NGF: variants seen among roughly 807,000 people sequenced by gnomAD.
NGF encodes nerve growth factor, also known as beta-nerve growth factor.
NGF carries 4 observed loss-of-function variants against 12.8 expected under a neutral mutation model. That is an observed-to-expected ratio of 0.31 (90% CI 0.15 to 0.72). The LOEUF (loss-of-function observed/expected upper bound fraction) is 0.72. Among genes scored for constraint, NGF ranks in the 30% least tolerant of loss-of-function variants. The pLI is 0.69. For missense variants in NGF, 283 were observed against 330.8 expected (o/e 0.86, Z 1.12); for synonymous variants, 140 against 130.0 (o/e 1.08, Z -0.52).
intron 1 of NGF, among the ~76,000 whole-genome samples, chr1:115,307,607 A>C (rs954733560): frequency 3.9e-5 from 6 of 152,248 alleles, no homozygotes; most frequent in Admixed American, 6.5e-5. Context: ...CCATTTTATA[A>C]TAAGCAACAA....
At chr1:115,317,642 C>T (rs1654507185) in intron 1 of NGF, among the ~76,000 whole-genome samples, 1 of 152,208 alleles carries the variant, frequency 6.6e-6, no homozygotes, top group Non-Finnish European at 1.5e-5. Flanking sequence ...ATAATTTGCT[C>T]TTTATCAGAG....
chr1:115,318,376 A>T (rs1017666808), intron 1 of NGF, among the ~76,000 whole-genome samples: 2 of 151,990 alleles, frequency 1.3e-5, no homozygotes, highest in African/African-American at 4.8e-5. Context: ...CTGGGCCAGG[A>T]CCCTCAAATT....
intron 1 of NGF, among the ~76,000 whole-genome samples, chr1:115,299,050 G>A: frequency 6.6e-6 from 1 of 152,256 alleles, no homozygotes; most frequent in South Asian, 2.1e-4. Flanking sequence ...TATGAGGTTT[G>A]CTGAGAAGGA....
At chr1:115,288,315 T>C (rs1653581546) in intron 2 of NGF, among the ~76,000 whole-genome samples, 1 of 152,186 alleles carries the variant, frequency 6.6e-6, no homozygotes, top group Admixed American at 6.5e-5. Context: ...ACTCCACTAC[T>C]TGTTAGCAGA....
chr1:115,302,075 ATG>A (rs1654053598), intron 1 of NGF, among the ~76,000 whole-genome samples: 2 of 152,160 alleles, frequency 1.3e-5, no homozygotes, highest in South Asian at 4.1e-4. Flanking sequence ...CACTTAATGA[ATG>A]TTTATTGAAA....
intron 1 of NGF, among the ~76,000 whole-genome samples, chr1:115,333,790 T>TTTTG (rs1655024936): frequency 9.9e-6 from 1 of 100,802 alleles, no homozygotes; most frequent in African/African-American, 7.0e-5. Context: ...CCTTCCTTTC[T>TTTTG]TTTCTTTCTT....
intron 1 of NGF, among the ~76,000 whole-genome samples, chr1:115,315,431 C>T (rs951954247): frequency 6.6e-6 from 1 of 152,020 alleles, no homozygotes; most frequent in Non-Finnish European, 1.5e-5. Context: ...AAAAGGACTT[C>T]CTGACAGACT....
intron 1 of NGF, among the ~76,000 whole-genome samples, chr1:115,333,723 T>TTTTCTTTC (rs1655016361): frequency 1.6e-5 from 2 of 128,238 alleles, no homozygotes; most frequent in Admixed American, 1.7e-4. Context: ...CTTTTCTTTC[T>TTTTCTTTC]TTCCTTCTTT....
chr1:115,316,610 CAT>C (rs1457697168), intron 1 of NGF, among the ~76,000 whole-genome samples: 1 of 152,140 alleles, frequency 6.6e-6, no homozygotes, highest in Non-Finnish European at 1.5e-5. Context: ...GCTATATATA[CAT>C]GTTTGCTTAT....
chr1:115,322,002 T>A (rs11466076), intron 1 of NGF, among the ~76,000 whole-genome samples: 6,162 of 152,266 alleles, frequency 0.04, 391 homozygotes, highest in African/African-American at 0.14. Flanking sequence ...TAACTACCAA[T>A]TTTGGTGGAC....
intron 1 of NGF, among the ~76,000 whole-genome samples, chr1:115,317,557 G>T (rs1383760545): frequency 1.3e-5 from 2 of 152,196 alleles, no homozygotes; most frequent in Admixed American, 6.5e-5. Flanking sequence ...TCCCACACAT[G>T]GAAAACAAGA....
chr1:115,314,481 A>G (rs1367740020), intron 1 of NGF, among the ~76,000 whole-genome samples: 1 of 152,234 alleles, frequency 6.6e-6, no homozygotes, highest in Non-Finnish European at 1.5e-5. Context: ...TGTAGATGAT[A>G]TGAACTGGAT....
intron 1 of NGF, among the ~76,000 whole-genome samples, chr1:115,296,547 C>T (rs957597737): frequency 2.0e-5 from 3 of 152,220 alleles, no homozygotes; most frequent in Admixed American, 2.0e-4. Context: ...TCTGTATCTG[C>T]AATTTCTGGA....
intron 1 of NGF, among the ~76,000 whole-genome samples, chr1:115,335,199 G>A (rs1421639298): frequency 1.3e-5 from 2 of 152,172 alleles, no homozygotes; most frequent in East Asian, 1.9e-4. Flanking sequence ...AAATAGTGAC[G>A]TTTCTATGCT....
chr1:115,337,261 GTTTTTGTTTTTTTTTTTTTTTTTTTTT>G (rs1655141679), intron 1 of NGF, among the ~76,000 whole-genome samples: 1 of 11,758 alleles, frequency 8.5e-5, no homozygotes, highest in Non-Finnish European at 1.9e-4. Context: ...TTTTTGTTTT[GTTTTTGTTTTTTTTTTTTTTTTTTTTT>G]TTTTTTTTTT....
intron 1 of NGF, among the ~76,000 whole-genome samples, chr1:115,306,687 G>A (rs951726927): frequency 1.3e-5 from 2 of 152,206 alleles, no homozygotes; most frequent in African/African-American, 4.8e-5. Context: ...AACTCTGGAA[G>A]TTGCTCTAGC....
intron 1 of NGF, among the ~76,000 whole-genome samples, chr1:115,312,821 T>C (rs962755388): frequency 6.6e-6 from 1 of 152,208 alleles, no homozygotes; most frequent in Admixed American, 6.5e-5. Context: ...AAAAAGAAGA[T>C]TCCATGGTCA....
intron 1 of NGF, among the ~76,000 whole-genome samples, chr1:115,326,424 A>C (rs1194890944): frequency 1.3e-5 from 2 of 152,202 alleles, no homozygotes; most frequent in Non-Finnish European, 1.5e-5. Flanking sequence ...TCTTTAAGAA[A>C]TAAGTGGTAC....
intron 1 of NGF, among the ~76,000 whole-genome samples, chr1:115,314,870 C>T (rs569937572): frequency 4.6e-5 from 7 of 152,248 alleles, no homozygotes; most frequent in African/African-American, 1.7e-4. Flanking sequence ...GTGATAAGTG[C>T]TGGAAGAAAT....
Sources: gnomAD v4.1 joint callset for allele counts (sites outside exome capture counted in the v4.1 genomes callset) on GRCh38, gnomAD v4.1.1 for gene constraint, MANE v1.5 for transcripts, NCBI Gene and HGNC (gene_info 2026-07-23, HGNC 2026-07-21) for gene names.